The following SYT2 variants were observed in gnomAD, a reference collection of about 807,000 sequenced individuals.
The protein encoded by SYT2 is synaptotagmin-2.
In SYT2, 15 loss-of-function variants were observed where a neutral mutation model predicts 39.9. The observed-to-expected ratio is 0.38, with a 90% CI of 0.25 to 0.58. The LOEUF (loss-of-function observed/expected upper bound fraction) is 0.58. Ranked by LOEUF, SYT2 falls within the 20% of genes least tolerant of loss-of-function variation. The pLI, the probability that SYT2 is intolerant of heterozygous loss-of-function variation, is 0.70. For missense variants in SYT2, 389 were observed against 530.3 expected, an observed-to-expected ratio of 0.73 and a Z score of 2.62; for synonymous variants, 181 against 204.5, an observed-to-expected ratio of 0.89 and a Z score of 0.98.
intron 1 of SYT2, among the ~76,000 whole-genome samples, chr1:202,686,042 G>A (rs1441038221): frequency 6.6e-6 from 1 of 152,122 alleles, no homozygotes; most frequent in Non-Finnish European, 1.5e-5. Context: ...ACATGACCCT[G>A]GGCCCCTAAT....
chr1:202,622,247 G>A (rs1326584857), intron 1 of SYT2, among the ~76,000 whole-genome samples: 1 of 152,162 alleles, frequency 6.6e-6, no homozygotes, highest in Non-Finnish European at 1.5e-5. Flanking sequence ...CCAACATTTG[G>A]TCCTAGGAGG....
Position 202,601,817 on chromosome 1 carries a change from C to T in SYT2, c.801+73G>A, listed in dbSNP as rs1241724409. ...CTGCCTCCAAAGCCCACCCTGTTTCCATCATGCCAAGAGGTGGAAGCCCAC... is the reference window on the plus strand; with the variant it reads ...CTGCCTCCAAAGCCCACCCTGTTTCTATCATGCCAAGAGGTGGAAGCCCAC... On this transcript the variant is annotated intron_variant, in intron 6 of 8. Coordinates refer to ENST00000367268, the MANE Select transcript of SYT2 (RefSeq NM_177402.5). This position sits in a 1 kb window ranked among gnomAD's most constrained non-coding sequence, Gnocchi z 4.0. 6.6e-7 allele frequency: 1 copy of T among 1,513,068 alleles called. No homozygotes were observed. The highest frequency in any genetic ancestry group is 9.0e-7 in the Non-Finnish European group (1 of 1,110,854). The allele number at this position is 1,513,068 out of a possible 1,614,324, so 93.7% of individuals were successfully genotyped here. A position where few individuals can be genotyped will look rare whatever the true frequency, so the allele number is the denominator to read the frequency against.
intron 1 of SYT2, among the ~76,000 whole-genome samples, chr1:202,709,484 G>C (rs1367539229): frequency 6.6e-6 from 1 of 152,216 alleles, no homozygotes; most frequent in African/African-American, 2.4e-5. Context: ...CATAGGCAGG[G>C]GAAGGGGGCA....
chr1:202,676,352 A>T (rs1653374351), intron 1 of SYT2, among the ~76,000 whole-genome samples: 2 of 152,208 alleles, frequency 1.3e-5, no homozygotes, highest in African/African-American at 4.8e-5. Flanking sequence ...TCTTAGCTCA[A>T]CATCCATCCT....
intron 1 of SYT2, among the ~76,000 whole-genome samples, chr1:202,691,436 C>A (rs2149117135): frequency 6.6e-6 from 1 of 151,970 alleles, no homozygotes; most frequent in East Asian, 1.9e-4. Context: ...TTGCTTGAGC[C>A]CAGGAGTTTA....
rs1690406220 is a variant in SYT2, at chr1:202,599,142, C to T, written c.1053+76G>A. On this transcript the variant is annotated intron_variant, in intron 8 of 8. Coordinates refer to ENST00000367268, the MANE Select transcript of SYT2 (RefSeq NM_177402.5). This position sits in a 1 kb window ranked among gnomAD's most constrained non-coding sequence, Gnocchi z 4.4. ...CTGTTCCATGGTCTCTAGGTGAGTT[C>T]CCTCTCTTCAACCTCCCCATACATG... 2 of 1,577,984 alleles carry T rather than the reference C, an allele frequency of 1.3e-6. No individual in the cohort carries two copies. The highest frequency in any genetic ancestry group is 2.3e-5 in the East Asian group (1 of 43,998).
intron 1 of SYT2, among the ~76,000 whole-genome samples, chr1:202,661,518 G>C (rs933053217): frequency 6.6e-6 from 1 of 152,140 alleles, no homozygotes; most frequent in Non-Finnish European, 1.5e-5. Flanking sequence ...CCCCAAACAC[G>C]GTGTCAGGCC....
rs572834387 is a variant in SYT2 at position 202,638,137 on chromosome 1, G to T, written c.-17-32348C>A. ...ACCCTTTGTTAAATTGCTAAGATGC[G>T]ATTCCATGAGTAACACAGCAATCAC... On this transcript the variant is annotated intron_variant, in intron 1 of 8. Transcript: ENST00000367268. 8.5e-5 allele frequency among the ~76,000 whole-genome samples: 13 copies of T among 152,290 alleles called. 1 individual carries two copies. In the South Asian group the frequency reaches 1.0e-3, roughly 12 times the overall value.
intron 1 of SYT2, among the ~76,000 whole-genome samples, chr1:202,699,075 T>C (rs906173117): frequency 6.9e-6 from 1 of 145,538 alleles, no homozygotes; most frequent in Non-Finnish European, 1.5e-5. Flanking sequence ...TGGAATGCAG[T>C]GCAGTGGTAT....
chr1:202,615,246 C>G (rs1691002888), intron 1 of SYT2, among the ~76,000 whole-genome samples: 1 of 152,162 alleles, frequency 6.6e-6, no homozygotes, highest in Non-Finnish European at 1.5e-5. Context: ...GCTGCCCAGA[C>G]AGCAAGGGAA....
chr1:202,691,740 A>AGGGG (rs1653838297), intron 1 of SYT2, among the ~76,000 whole-genome samples: 1 of 66,366 alleles, frequency 1.5e-5, no homozygotes, highest in African/African-American at 6.8e-5. Flanking sequence ...GGGGAGAGAG[A>AGGGG]GAGAGAGAGA....
At chr1:202,668,883 T>C (rs1395771090) in intron 1 of SYT2, among the ~76,000 whole-genome samples, 3 of 152,192 alleles carry the variant, frequency 2.0e-5, no homozygotes, top group Admixed American at 6.5e-5. Context: ...TGAAGCCACA[T>C]GCATCTCTTG....
intron 1 of SYT2, among the ~76,000 whole-genome samples, chr1:202,631,223 G>A (rs1250555351): frequency 6.6e-6 from 1 of 152,164 alleles, no homozygotes; most frequent in Non-Finnish European, 1.5e-5. Flanking sequence ...GAGCATCTGT[G>A]GCTCTCTGGA....
chr1:202,658,476 G>A (rs1692318175), intron 1 of SYT2, among the ~76,000 whole-genome samples: 4 of 151,988 alleles, frequency 2.6e-5, no homozygotes, highest in Admixed American at 2.0e-4. Context: ...GTCCAGAGCT[G>A]AGTGGCAGGA....
At chr1:202,656,255 A>G (rs1692275628) in intron 1 of SYT2, among the ~76,000 whole-genome samples, 1 of 152,218 alleles carries the variant, frequency 6.6e-6, no homozygotes, top group South Asian at 2.1e-4. Context: ...CCAGAGGCTG[A>G]ACTCTGGGGT....
At chr1:202,696,242 C>A (rs1255594182) in intron 1 of SYT2, among the ~76,000 whole-genome samples, 1 of 152,162 alleles carries the variant, frequency 6.6e-6, no homozygotes, top group Non-Finnish European at 1.5e-5. Flanking sequence ...CAGAACTCTT[C>A]CTATTGACCC....
intron 1 of SYT2, among the ~76,000 whole-genome samples, chr1:202,616,399 C>G (rs1691034287): frequency 6.6e-6 from 1 of 152,138 alleles, no homozygotes; most frequent in South Asian, 2.1e-4. Context: ...GAGGCTGGAC[C>G]AGTCCAGTTT....
At chr1:202,633,399 C>T (rs1006437512) in intron 1 of SYT2, among the ~76,000 whole-genome samples, 15 of 145,544 alleles carry the variant, frequency 1.0e-4, no homozygotes, top group African/African-American at 3.6e-4. Context: ...GGTGAGGTGG[C>T]TTTTTTCTGG....
intron 1 of SYT2, among the ~76,000 whole-genome samples, chr1:202,661,535 A>T (rs952631260): frequency 6.6e-6 from 1 of 152,192 alleles, no homozygotes; most frequent in Admixed American, 6.5e-5. Context: ...GGCCATCGAT[A>T]ACATTCCCTC....
Sources: allele counts gnomAD v4.1 joint callset (sites outside exome capture counted in the v4.1 genomes callset), GRCh38; gene constraint gnomAD v4.1.1; non-coding constraint Gnocchi (gnomAD v3.1); transcripts MANE v1.5; gene names NCBI Gene and HGNC (gene_info 2026-07-23, HGNC 2026-07-21).